HPSE2: variants seen among roughly 807,000 people sequenced by gnomAD.
HPSE2 encodes heparanase 2 (inactive).
A neutral mutation model predicts 60.5 loss-of-function variants in HPSE2; 38 were observed. That is an observed-to-expected ratio of 0.63 (90% CI 0.48 to 0.82). The LOEUF is 0.82. HPSE2 is among the 40% of genes least tolerant of loss of function. The probability of loss-of-function intolerance (pLI) is 0.00; values close to 1 mark genes in which losing one functional copy is unlikely to be tolerated. For synonymous variants in HPSE2, 295 were observed against 293.2 expected, an observed-to-expected ratio of 1.01 and a Z score of -0.06; for missense variants, 713 against 740.4, an observed-to-expected ratio of 0.96 and a Z score of 0.43.
At chr10:99,132,191 AAGAGAGAG>A (rs781059893) in intron 3 of HPSE2, among the ~76,000 whole-genome samples, 22 of 71,890 alleles carry the variant, frequency 3.1e-4, no homozygotes, top group African/African-American at 1.3e-3. Context: ...GAAAGAAAGA[AAGAGAGAG>A]AGAGAGAGAG....
chr10:98,600,725 G>A (rs1945372727), intron 9 of HPSE2, among the ~76,000 whole-genome samples: 1 of 115,216 alleles, frequency 8.7e-6, no homozygotes, highest in South Asian at 3.0e-4. Context: ...TATACTAATA[G>A]GATATATATG....
the HPSE2 span, among the ~76,000 whole-genome samples, chr10:99,295,827 A>G: frequency 6.6e-6 from 1 of 152,234 alleles, no homozygotes; most frequent in Non-Finnish European, 1.5e-5. Flanking sequence ...CAAACCCTAC[A>G]ATCACTGCAA....
intron 3 of HPSE2, among the ~76,000 whole-genome samples, chr10:98,984,710 T>C (rs1956294407): frequency 6.6e-6 from 1 of 152,058 alleles, no homozygotes; most frequent in South Asian, 2.1e-4. Flanking sequence ...AAGGAGGAAG[T>C]TCGAACCCAT....
At chr10:98,899,415 C>A (rs1953595663) in intron 3 of HPSE2, among the ~76,000 whole-genome samples, 1 of 152,080 alleles carries the variant, frequency 6.6e-6, no homozygotes, top group African/African-American at 2.4e-5. Flanking sequence ...AACCATATAT[C>A]TGATAAAGGA....
chr10:98,977,416 G>T (rs1164459607), intron 3 of HPSE2, among the ~76,000 whole-genome samples: 1 of 152,142 alleles, frequency 6.6e-6, no homozygotes, highest in Non-Finnish European at 1.5e-5. Context: ...ACACTGGGGA[G>T]GTACTAGGCA....
At chr10:99,115,820 TG>T (rs1434582344) in intron 3 of HPSE2, among the ~76,000 whole-genome samples, 1 of 152,228 alleles carries the variant, frequency 6.6e-6, no homozygotes, top group East Asian at 1.9e-4. Flanking sequence ...AGCATATCTT[TG>T]TACTTAAAAT....
intron 3 of HPSE2, among the ~76,000 whole-genome samples, chr10:98,948,442 G>A (rs1026800296): frequency 2.6e-5 from 4 of 152,124 alleles, no homozygotes; most frequent in South Asian, 2.1e-4. Flanking sequence ...TGAGAAAGAC[G>A]AAGGGGAAGA....
At chr10:98,939,574 T>C (rs1397849288) in intron 3 of HPSE2, among the ~76,000 whole-genome samples, 1 of 143,486 alleles carries the variant, frequency 7.0e-6, no homozygotes, top group Non-Finnish European at 1.5e-5. Flanking sequence ...GCACCCAGAT[T>C]CATGAAGCAA....
At chr10:99,311,696 C>T in the HPSE2 span, among the ~76,000 whole-genome samples, 44 of 152,244 alleles carry the variant, frequency 2.9e-4, no homozygotes, top group East Asian at 5.8e-4. Context: ...AACCCTACAA[C>T]GGCCTCTAAG....
intron 3 of HPSE2, among the ~76,000 whole-genome samples, chr10:98,927,035 T>A (rs1179914825): frequency 6.6e-6 from 1 of 152,186 alleles, no homozygotes; most frequent in East Asian, 1.9e-4. Flanking sequence ...TCCAAGTATG[T>A]GGCCAATTTT....
chr10:99,191,011 G>A (rs1206360497), intron 2 of HPSE2, among the ~76,000 whole-genome samples: 1 of 152,144 alleles, frequency 6.6e-6, no homozygotes, highest in Non-Finnish European at 1.5e-5. Flanking sequence ...GGCCTAGGGT[G>A]GTCGTGGCCA....
chr10:98,679,473 G>T (rs1947729486), intron 6 of HPSE2, among the ~76,000 whole-genome samples: 1 of 151,940 alleles, frequency 6.6e-6, no homozygotes, highest in African/African-American at 2.4e-5. Flanking sequence ...TGTTTTCTAG[G>T]CTTTTTTAAG....
Position 98,608,545 on chromosome 10 carries a change from G to C in HPSE2, c.1320+6359C>G, listed in dbSNP as rs561398442. Among the ~76,000 whole-genome samples, 5 of 152,280 alleles carry C rather than the reference G, an allele frequency of 3.3e-5. No homozygotes were observed. In the South Asian group the frequency reaches 1.0e-3, roughly 32 times the overall value. ...CACAGGCTCTGATTTGAGCAGCCAG[G>C]GTTTAAAGACACAGAGGAGAAAAGA... On this transcript the variant is annotated intron_variant, in intron 9 of 11. Coordinates refer to ENST00000370552, the MANE Select transcript of HPSE2 (RefSeq NM_021828.5).
chr10:98,868,625 C>T lies in HPSE2; in HGVS notation c.611-124569G>A, dbSNP rs138712344. On this transcript the variant is annotated intron_variant, in intron 3 of 11. Transcript: ENST00000370552. ...ATCTCATGTACCCCATAAATATGTA[C>T]ACCTACTATGTATCTACAAAAGTTA... 3.3e-3 allele frequency among the ~76,000 whole-genome samples: 495 copies of T among 152,172 alleles called. 3 individuals are homozygous for T. The highest frequency in any genetic ancestry group is 0.011 in the African/African-American group (463 of 41,516).
chr10:98,722,852 T>C (rs1354478003), intron 4 of HPSE2, among the ~76,000 whole-genome samples: 1 of 151,890 alleles, frequency 6.6e-6, no homozygotes, highest in Non-Finnish European at 1.5e-5. Flanking sequence ...AGAAATATAA[T>C]AGGAGATTTT....
At chr10:98,495,448 T>C (rs953533171) in intron 9 of HPSE2, among the ~76,000 whole-genome samples, 2 of 152,146 alleles carry the variant, frequency 1.3e-5, no homozygotes, top group African/African-American at 4.8e-5. Context: ...TTTTCAGCCA[T>C]TATTTCATTG....
chr10:98,637,498 T>C (rs545133056), intron 7 of HPSE2, among the ~76,000 whole-genome samples: 4 of 152,352 alleles, frequency 2.6e-5, no homozygotes, highest in African/African-American at 9.6e-5. Context: ...CTCACATGAC[T>C]TTCCTAATCT....
At chr10:99,152,294 G>C (rs1042426231) in intron 2 of HPSE2, among the ~76,000 whole-genome samples, 5 of 142,200 alleles carry the variant, frequency 3.5e-5, no homozygotes, top group African/African-American at 1.1e-4. Flanking sequence ...CTGGACAACA[G>C]AGCGAGACTC....
intron 3 of HPSE2, among the ~76,000 whole-genome samples, chr10:99,040,988 G>A (rs563134765): frequency 1.9e-4 from 29 of 152,036 alleles, no homozygotes; most frequent in East Asian, 3.9e-4. Context: ...TCCGGAGGCC[G>A]AGGCAGGAGA....
Sources: allele counts gnomAD v4.1 joint callset (sites outside exome capture counted in the v4.1 genomes callset), GRCh38; gene constraint gnomAD v4.1.1; transcripts MANE v1.5; gene names NCBI Gene and HGNC (gene_info 2026-07-23, HGNC 2026-07-21).